ANAPC1: variants seen among roughly 807,000 people sequenced by gnomAD.
The protein encoded by ANAPC1 is anaphase-promoting complex subunit 1.
A neutral mutation model predicts 208.0 loss-of-function variants in ANAPC1; 36 were observed. That is an observed-to-expected ratio of 0.17 (90% confidence interval 0.13 to 0.23). ANAPC1 has a LOEUF of 0.23. Ranked by LOEUF, ANAPC1 falls within the 10% of genes least tolerant of loss-of-function variation. The probability of loss-of-function intolerance (pLI) is 1.00; values close to 1 mark genes in which losing one functional copy is unlikely to be tolerated. For synonymous variants in ANAPC1, 378 were observed against 695.2 expected, an observed-to-expected ratio of 0.54 and a Z score of 7.18; for missense variants, 942 against 2,011.6, an observed-to-expected ratio of 0.47 and a Z score of 10.17.
At position 111,788,954 on chromosome 2, in the gene ANAPC1, C is replaced by T. The variant is rs542959507; in HGVS notation, c.4713-634G>A. The stretch of plus-strand genomic sequence containing the variant: ...GAGATCGAGACCATCCTGGCTAACA[C>T]GGTGAAACCCCATCTCTACTAAAAA... On this transcript the variant is annotated intron_variant, in intron 38 of 47. Transcript: ENST00000341068. Among the ~76,000 whole-genome samples, 847 of 152,180 alleles carry T rather than the reference C, an allele frequency of 5.6e-3. 2 individuals carry two copies. Among genetic ancestry groups the T allele is most frequent in the African/African-American group, 0.019 (804 of 41,526 alleles).
chr2:111,852,724 T>A (rs1681472717), intron 13 of ANAPC1, among the ~76,000 whole-genome samples: 1 of 152,096 alleles, frequency 6.6e-6, no homozygotes, highest in Admixed American at 6.5e-5. Flanking sequence ...AGAATAGGTT[T>A]TACGTACTTA....
At chr2:111,841,522 C>T (rs1156709748) in intron 17 of ANAPC1, among the ~76,000 whole-genome samples, 1 of 151,124 alleles carries the variant, frequency 6.6e-6, no homozygotes, top group East Asian at 1.9e-4. Flanking sequence ...CAAGTGCAAA[C>T]ACTCAGAGGC....
At chr2:111,773,799 G>A (rs182285176) in intron 46 of ANAPC1, among the ~76,000 whole-genome samples, 3 of 152,238 alleles carry the variant, frequency 2.0e-5, no homozygotes, top group Admixed American at 6.5e-5. Flanking sequence ...GGTGGTGTGG[G>A]GAGCAAGTGG....
chr2:111,812,274 T>TA (rs2104407169), intron 28 of ANAPC1, among the ~76,000 whole-genome samples: 1 of 86,956 alleles, frequency 1.2e-5, no homozygotes, highest in East Asian at 3.3e-4. Context: ...ACTAGACTCT[T>TA]AGAGCTTCAG....
chr2:111,831,352 C>A lies in ANAPC1; in HGVS notation c.2559G>T (p.Lys853Asn), dbSNP rs141017524. 6.2e-7 allele frequency: 1 copy of A among 1,611,900 alleles called. No homozygotes were observed. Among genetic ancestry groups the A allele is most frequent in the African/African-American group, 1.3e-5 (1 of 74,940 alleles). The change falls in exon 21 of 48, where the codon AAG becomes AAT. Residue 853 changes from lysine (K) to asparagine (N), a missense_variant. Lys to Asn is a moderately conservative substitution (Grantham distance 94, BLOSUM62 0). Coordinates refer to ENST00000341068, the MANE Select transcript of ANAPC1 (RefSeq NM_022662.4). The stretch of plus-strand genomic sequence containing the variant: ...AAGGATAAGGTGGCATTCCTTCACC[C>A]TTCAGACAAGAACTCACCCACTGAT... ...SIYQWVSSCL[K>N]GEGMPPYPYL...
Position 111,863,838 on chromosome 2 carries a change from T to A in ANAPC1, c.889A>T (p.Thr297Ser), listed in dbSNP as rs767471509. ...EQGGTPQNVA[T>S]SSSLTAHLRS... Reference sequence around the variant, plus strand: ...AGATGTGCTGTGAGGGAGCTGCTAGTGGCCACATTCTGTGGGGTTCCCCCC... The same window carrying A: ...AGATGTGCTGTGAGGGAGCTGCTAGAGGCCACATTCTGTGGGGTTCCCCCC... Residue 297 changes from threonine to serine, a missense_variant, in exon 9 of 48, where the codon ACT (threonine) becomes TCT (serine). By Grantham distance (58) the Thr-to-Ser change is moderately conservative. Transcript: ENST00000341068. 2 of 1,613,584 alleles carry A rather than the reference T, an allele frequency of 1.2e-6. No homozygotes were observed. Among genetic ancestry groups the A allele is most frequent in the Non-Finnish European group, 1.7e-6 (2 of 1,179,834 alleles).
In ANAPC1 at chr2:111,825,570, C is replaced by T. The variant is rs576613285; in HGVS notation, c.2704+207G>A. ...TCAGGCTAAAATAGTCCTTTTTACC[C>T]GCACTGAAAATACAAGATGTATTAG... is the stretch of plus-strand genomic sequence containing the variant. On this transcript the variant is annotated intron_variant, in intron 22 of 47. Coordinates refer to ENST00000341068, the MANE Select transcript of ANAPC1 (RefSeq NM_022662.4). Among the ~76,000 whole-genome samples the T allele has an allele frequency of 4.9e-4, 74 of 152,254 alleles. 1 individual carries two copies. In the Middle Eastern group the frequency reaches 0.017, roughly 35 times the overall value.
intron 6 of ANAPC1, among the ~76,000 whole-genome samples, chr2:111,868,478 C>T (rs1266528885): frequency 1.3e-5 from 2 of 152,024 alleles, no homozygotes. Context: ...TATCTGCTGA[C>T]AAAGGAATGC....
At chr2:111,770,844 T>C (rs1283159873) in intron 47 of ANAPC1, among the ~76,000 whole-genome samples, 1 of 151,116 alleles carries the variant, frequency 6.6e-6, no homozygotes, top group Non-Finnish European at 1.5e-5. Context: ...GACATAGTTA[T>C]TTTAAGTTCC....
At chr2:111,862,223 T>C (rs575924754) in intron 10 of ANAPC1, among the ~76,000 whole-genome samples, 166 bp downstream of exon 10, 2 of 152,262 alleles carry the variant, frequency 1.3e-5, no homozygotes, top group Admixed American at 6.5e-5. Context: ...TTTAATATCA[T>C]TAATATCCTC....
At chr2:111,875,652 G>A (rs182021688) in intron 3 of ANAPC1, among the ~76,000 whole-genome samples, 10 of 152,092 alleles carry the variant, frequency 6.6e-5, no homozygotes, top group South Asian at 4.2e-4. Flanking sequence ...AAAATTGATC[G>A]CTTCCATTTT....
rs59286666 is a variant in ANAPC1, at chr2:111,866,800, T to TA, written c.685+1222dup. Reference sequence around the variant, plus strand: ...GAAAAAATAAAATGGAAATTGTACTTAAAAAAAAAAAAAAAAAAGGCTGCG... The same window carrying TA: ...GAAAAAATAAAATGGAAATTGTACTTAAAAAAAAAAAAAAAAAAAGGCTGCG... On this transcript the variant is annotated intron_variant, in intron 7 of 47. Coordinates refer to ENST00000341068, the MANE Select transcript of ANAPC1 (RefSeq NM_022662.4). Among the ~76,000 whole-genome samples the TA allele has an allele frequency of 8.3e-3, 1,019 of 123,222 alleles. 13 individuals are homozygous for TA. Among genetic ancestry groups the TA allele is most frequent in the African/African-American group, 0.019 (647 of 33,182 alleles). 80.8% of individuals were successfully genotyped at this position (123,222 alleles called of 152,430 possible). A position where few individuals can be genotyped will look rare whatever the true frequency, so the allele number is the denominator to read the frequency against.
chr2:111,833,321 T>C lies in ANAPC1; in HGVS notation c.2385-10A>G. On this transcript the variant is annotated splice_polypyrimidine_tract_variant and intron_variant, in intron 19 of 47. Coordinates refer to ENST00000341068, the MANE Select transcript of ANAPC1 (RefSeq NM_022662.4). ...CCCCAATTTTAAGTCCCTAAAACAGTAAGGGCATGTAAAAAAGAAGGTATT... is the reference window on the plus strand; with the variant it reads ...CCCCAATTTTAAGTCCCTAAAACAGCAAGGGCATGTAAAAAAGAAGGTATT... The C allele has an allele frequency of 1.3e-6, 2 of 1,568,106 alleles. No homozygotes were observed. The highest frequency in any genetic ancestry group is 2.4e-5 in the South Asian group (2 of 83,878).
At chr2:111,882,167 G>A (rs1199758934) in intron 1 of ANAPC1, among the ~76,000 whole-genome samples, 9 of 150,956 alleles carry the variant, frequency 6.0e-5, no homozygotes, top group Admixed American at 4.0e-4. Flanking sequence ...CTGGGCAACA[G>A]AGCAAGACTC....
At chr2:111,808,792 T>C (rs1057093610) in intron 29 of ANAPC1, among the ~76,000 whole-genome samples, 155 bp downstream of exon 29, 1 of 152,052 alleles carries the variant, frequency 6.6e-6, no homozygotes, top group Non-Finnish European at 1.5e-5. Context: ...ACTTAGAGTT[T>C]TGTTGTTTTT....
chr2:111,836,079 A>G (rs557502438), intron 18 of ANAPC1, among the ~76,000 whole-genome samples: 1 of 152,118 alleles, frequency 6.6e-6, no homozygotes, highest in Admixed American at 6.5e-5. Flanking sequence ...GAGCACATGA[A>G]AGAGTGTTTA....
At chr2:111,782,240 C>T in intron 43 of ANAPC1, 129 bp downstream of exon 43, 1 of 769,412 alleles carries the variant, frequency 1.3e-6, no homozygotes, top group South Asian at 2.2e-5. Context: ...CAAACAGAGC[C>T]ACAGTCAGTC....
At chr2:111,853,196 T>C (rs1681506976) in intron 13 of ANAPC1, among the ~76,000 whole-genome samples, 1 of 152,166 alleles carries the variant, frequency 6.6e-6, no homozygotes, top group Admixed American at 6.5e-5. Flanking sequence ...GCATAATATA[T>C]CTTCTTTCCA....
downstream of ANAPC1, chr2:111,766,653 G>A (rs182424677): frequency 1.7e-4 from 51 of 297,162 alleles, no homozygotes; most frequent in African/African-American, 9.1e-4. Flanking sequence ...CCCCACATGC[G>A]GGAGGCAACG....
Sources: allele counts gnomAD v4.1 joint callset (sites outside exome capture counted in the v4.1 genomes callset), GRCh38; gene constraint gnomAD v4.1.1; transcripts MANE v1.5; gene names NCBI Gene and HGNC (gene_info 2026-07-23, HGNC 2026-07-21).